The following BTBD18 variants were observed in gnomAD, a reference collection of about 807,000 sequenced individuals.
BTBD18 encodes the protein BTB/POZ domain-containing protein 18.
For missense variants in BTBD18, 787 were observed against 846.3 expected, an observed-to-expected ratio of 0.93 and a Z score of 0.87; for synonymous variants, 311 against 324.4, an observed-to-expected ratio of 0.96 and a Z score of 0.44.
chr11:57,744,413 C>T lies in BTBD18; in HGVS notation c.1860G>A (p.Gln620=). ...LLHVSSLDTP[Q]RSYGDLSPPC... is the part of the protein sequence containing the mutation. ...GAGGTGAGAGGTCCCCATAAGACCTCTGGGGAGTATCAAGGGAGCTGACAT... is the reference window on the plus strand; with the variant it reads ...GAGGTGAGAGGTCCCCATAAGACCTTTGGGGAGTATCAAGGGAGCTGACAT... Residue 620 remains glutamine, a synonymous_variant, in exon 3 of 3, where the codon CAG becomes CAA. Transcript: ENST00000422652. 1 of 1,551,674 alleles carries T rather than the reference C, an allele frequency of 6.4e-7. No homozygotes were observed. The highest frequency in any genetic ancestry group is 8.7e-7 in the Non-Finnish European group (1 of 1,146,988).
upstream of BTBD18, among the ~76,000 whole-genome samples, chr11:57,752,042 T>C (rs150663886): frequency 3.1e-4 from 47 of 152,290 alleles, no homozygotes; most frequent in African/African-American, 1.1e-3. Flanking sequence ...GCAAGGATAG[T>C]AAAGCATTTT....
Position 57,744,220 on chromosome 11 carries a change from C to G in BTBD18, c.2053G>C (p.Glu685Gln). The stretch of plus-strand genomic sequence containing the variant: ...ACAGTAGTGGGTACCAGCCTCCCCT[C>G]TGCTGTCCAGTCCACCACATCAATC... The part of the protein sequence containing the change: ...EEIDVVDWTA[E>Q]GRLVPTTVPS... Residue 685 changes from glutamate to glutamine, a missense_variant, in exon 3 of 3, where the codon GAG (glutamate) becomes CAG (glutamine). Glu to Gln is a conservative substitution (Grantham distance 29). Transcript: ENST00000422652. The G allele has an allele frequency of 6.4e-7, 1 of 1,551,714 alleles. No homozygotes were observed. Among genetic ancestry groups the G allele is most frequent in the Non-Finnish European group, 8.7e-7 (1 of 1,146,988 alleles).
chr11:57,745,774 G>C lies in BTBD18; in HGVS notation c.499C>G (p.Leu167Val). 2 of 1,551,694 alleles carry C rather than the reference G, an allele frequency of 1.3e-6. No individual in the cohort carries two copies. Among genetic ancestry groups the C allele is most frequent in the African/African-American group, 1.4e-5 (1 of 73,162 alleles). The change falls in exon 3 of 3, where the codon CTG becomes GTG. Residue 167 changes from leucine (L) to valine (V), a missense_variant. By Grantham distance (32) the Leu-to-Val change is conservative. Transcript: ENST00000422652. ...VTPSHHPHTP[L>V]PTNQTPCPLG... Reference sequence around the variant, plus strand: ...GGACAAGGAGTTTGATTAGTGGGCAGTGGGGTGTGAGGGTGGTGGCTGGGT... The same window carrying C: ...GGACAAGGAGTTTGATTAGTGGGCACTGGGGTGTGAGGGTGGTGGCTGGGT...
intron 2 of BTBD18, among the ~76,000 whole-genome samples, chr11:57,750,522 C>A (rs972178479): frequency 6.6e-6 from 1 of 152,224 alleles, no homozygotes; most frequent in East Asian, 1.9e-4. Context: ...ATGGCAAAAC[C>A]TCATCTCTAC....
Position 57,751,234 on chromosome 11 carries a change from C to G in BTBD18, c.-46G>C, listed in dbSNP as rs953644917. 6.8e-7 allele frequency: 1 copy of G among 1,462,910 alleles called. No homozygotes were observed. The highest frequency in any genetic ancestry group is 1.4e-5 in the African/African-American group (1 of 69,512). The allele number at this position is 1,462,910 out of a possible 1,614,324, so 90.6% of individuals were successfully genotyped here. On this transcript the variant is annotated splice_region_variant and 5_prime_UTR_variant, in exon 2 of 3. Transcript: ENST00000422652. ...ACCTTCTAGGTTTTCACAGATCAGA[C>G]TCCTGTAGGTGAGATAATACATTTC...
chr11:57,747,081 T>C (rs1343922228), intron 2 of BTBD18, among the ~76,000 whole-genome samples: 1 of 152,220 alleles, frequency 6.6e-6, no homozygotes, highest in African/African-American at 2.4e-5. Context: ...TAGAAGCAAC[T>C]TGTGGTCTAA....
In BTBD18 at chr11:57,751,635, T is replaced by C. The variant is rs1168654372; in HGVS notation, c.-143A>G. The C allele has an allele frequency of 6.6e-6, 1 of 152,652 alleles. No homozygotes were observed. Among genetic ancestry groups the C allele is most frequent in the African/African-American group, 2.4e-5 (1 of 41,448 alleles). 9.5% of individuals were successfully genotyped at this position (152,652 alleles called of 1,614,324 possible). Reference sequence around the variant, plus strand: ...CACAAAATAACTACCAAGCCCCAAATGGTAACTATTATTATCCTTCAACCT... The same window carrying C: ...CACAAAATAACTACCAAGCCCCAAACGGTAACTATTATTATCCTTCAACCT... On this transcript the variant is annotated 5_prime_UTR_variant, in exon 1 of 3. Transcript: ENST00000422652.
intron 2 of BTBD18, among the ~76,000 whole-genome samples, chr11:57,750,181 G>GT: frequency 6.6e-6 from 1 of 152,008 alleles, no homozygotes; most frequent in Non-Finnish European, 1.5e-5. Flanking sequence ...TTCGAGACCA[G>GT]TCTGGCCAAC....
rs1949170895 is a variant in BTBD18 at position 57,745,431 on chromosome 11, C to T, written c.842G>A (p.Ser281Asn). 6.4e-7 allele frequency: 1 copy of T among 1,551,464 alleles called. No homozygotes were observed. Among genetic ancestry groups the T allele is most frequent in the African/African-American group, 1.4e-5 (1 of 73,028 alleles). Residue 281 changes from serine to asparagine, a missense_variant, in exon 3 of 3, where the codon AGC becomes AAC. Transcript: ENST00000422652. ...SPGICTSKPS[S>N]ILSGSSSVPA... ...CACTGAGCTAGATCCACTTAAAATG[C>T]TGGAAGGCTTTGATGTACAGATACC...
Position 57,745,689 on chromosome 11 carries a change from C to G in BTBD18, c.584G>C (p.Arg195Pro), listed in dbSNP as rs936401249. The change falls in exon 3 of 3, where the codon CGA (arginine) becomes CCA (proline). Residue 195 changes from arginine (R) to proline (P), a missense_variant. Arg to Pro is a moderately radical substitution (Grantham distance 103). Transcript: ENST00000422652. ...GKEEGPQENNRQNADNLSGTL... is the reference protein window; with the variant it reads ...GKEEGPQENNPQNADNLSGTL... ...GCCAGACAAATTGTCTGCATTCTGT[C>G]GGTTGTTTTCCTGGGGCCCCTCTTC... 2 of 1,551,628 alleles carry G rather than the reference C, an allele frequency of 1.3e-6. No individual in the cohort carries two copies. Among genetic ancestry groups the G allele is most frequent in the East Asian group, 4.9e-5 (2 of 40,920 alleles).
chr11:57,752,808 C>G (rs1477545479), upstream of BTBD18, among the ~76,000 whole-genome samples: 1 of 152,232 alleles, frequency 6.6e-6, no homozygotes, highest in African/African-American at 2.4e-5. Flanking sequence ...CATCCAGAAG[C>G]AAGGGAATCG....
chr11:57,744,195 A>G lies in BTBD18; in HGVS notation c.2078T>C (p.Val693Ala). 2 of 1,551,650 alleles carry G rather than the reference A, an allele frequency of 1.3e-6. No homozygotes were observed. ...GGAAGGGTCAGGCCACACGGAGGGA[A>G]CAGTAGTGGGTACCAGCCTCCCCTC... The part of the protein sequence containing the change: ...TAEGRLVPTT[V>A]PSVWPDPSSE... The change falls in exon 3 of 3, where the codon GTT becomes GCT. Residue 693 changes from valine (V) to alanine (A), a missense_variant. Physicochemically the swap from Val to Ala is moderately conservative, Grantham distance 64 (BLOSUM62 0). Transcript: ENST00000422652.
In BTBD18 at chr11:57,744,433, T is replaced by A. The variant is rs1315372131; in HGVS notation, c.1840A>T (p.Ser614Cys). 2 of 1,551,522 alleles carry A rather than the reference T, an allele frequency of 1.3e-6. No homozygotes were observed. The highest frequency in any genetic ancestry group is 1.7e-6 in the Non-Finnish European group (2 of 1,146,976). The stretch of plus-strand genomic sequence containing the variant: ...GACCTCTGGGGAGTATCAAGGGAGC[T>A]GACATGGAGAAGTTTGTCTTCCTGA... Reference protein sequence around the residue: ...DGQEDKLLHVSSLDTPQRSYG... With the variant: ...DGQEDKLLHVCSLDTPQRSYG... The change falls in exon 3 of 3, where the codon AGC (serine) becomes TGC (cysteine). Residue 614 changes from serine to cysteine, a missense_variant. By Grantham distance (112) the Ser-to-Cys change is moderately radical. Transcript: ENST00000422652.
intron 2 of BTBD18, among the ~76,000 whole-genome samples, chr11:57,750,220 AC>A (rs1949278818): frequency 6.6e-6 from 1 of 152,094 alleles, no homozygotes; most frequent in South Asian, 2.1e-4. Context: ...TACTAAAAAT[AC>A]AAAAAATTTT....
In BTBD18 at chr11:57,745,618, C is replaced by T; in HGVS notation, c.655G>A (p.Glu219Lys). 1.9e-6 allele frequency: 3 copies of T among 1,551,554 alleles called. No individual in the cohort carries two copies. The highest frequency in any genetic ancestry group is 2.6e-6 in the Non-Finnish European group (3 of 1,146,948). ...TGGCTTGATGGTGAAGAGTTTTTTTCTTGTGGAGTTGGGCAGGCTCTGGCC... is the reference window on the plus strand; with the variant it reads ...TGGCTTGATGGTGAAGAGTTTTTTTTTTGTGGAGTTGGGCAGGCTCTGGCC... ...RKARACPTPQEKNSSPSSHSQ... is the reference protein window; with the variant it reads ...RKARACPTPQKKNSSPSSHSQ... The change falls in exon 3 of 3, where the codon GAA (glutamate) becomes AAA (lysine). Residue 219 changes from glutamate to lysine, a missense_variant. Physicochemically the swap from Glu to Lys is moderately conservative, Grantham distance 56. Transcript: ENST00000422652.
At position 57,746,180 on chromosome 11, in the gene BTBD18, G is replaced by C. The variant is rs1002340299; in HGVS notation, c.125-32C>G. 2.3e-5 allele frequency: 34 copies of C among 1,486,666 alleles called. No homozygotes were observed. The African/African-American group carries it at 4.1e-4, about 18-fold the overall frequency. The allele number at this position is 1,486,666 out of a possible 1,614,324, so 92.1% of individuals were successfully genotyped here. ...GGAAACCCAAATACTTTTGTTATCA[G>C]GTAGACTGGCATGTTCATGGGCTAA... On this transcript the variant is annotated intron_variant, in intron 2 of 2. Coordinates refer to ENST00000422652, the MANE Select transcript of BTBD18 (RefSeq NM_001145101.3).
chr11:57,748,702 CCT>C (rs1314789469), intron 2 of BTBD18, among the ~76,000 whole-genome samples: 1 of 152,136 alleles, frequency 6.6e-6, no homozygotes, highest in African/African-American at 2.4e-5. Flanking sequence ...ATCATCATCC[CCT>C]CTCTCCTGGA....
chr11:57,751,380 A>G (rs1021967951), intron 1 of BTBD18, 144 bp from the exon 2 acceptor site: 16 of 443,400 alleles, frequency 3.6e-5, no homozygotes, highest in Non-Finnish European at 5.5e-5. Context: ...AGGATATCTC[A>G]AGAAAGAAAA....
chr11:57,745,032 G>A lies in BTBD18; in HGVS notation c.1241C>T (p.Thr414Ile), dbSNP rs867185457. Reference sequence around the variant, plus strand: ...CATGGGGGAGTCCTGACACAGTTCTGTTCTAGTAGGTGACATTTCCTGCTC... The same window carrying A: ...CATGGGGGAGTCCTGACACAGTTCTATTCTAGTAGGTGACATTTCCTGCTC... ...SNEQEMSPTR[T>I]ELCQDSPMCT... Residue 414 changes from threonine to isoleucine, a missense_variant, in exon 3 of 3, where the codon ACA (threonine) becomes ATA (isoleucine). Thr to Ile is a moderately conservative substitution (Grantham distance 89, BLOSUM62 -1). Transcript: ENST00000422652. 2.3e-5 allele frequency: 36 copies of A among 1,551,522 alleles called. No individual in the cohort carries two copies. In the African/African-American group the frequency reaches 2.9e-4, roughly 12 times the overall value.
Sources: allele counts gnomAD v4.1 joint callset (sites outside exome capture counted in the v4.1 genomes callset), GRCh38; gene constraint gnomAD v4.1.1; transcripts MANE v1.5; gene names NCBI Gene and HGNC (gene_info 2026-07-23, HGNC 2026-07-21).